PARD3: variants seen among roughly 807,000 people sequenced by gnomAD.
The protein encoded by PARD3 is partitioning defective 3 homolog.
In PARD3, 75 loss-of-function variants were observed where a neutral mutation model predicts 155.4. The ratio of observed to expected loss-of-function variants is 0.48; its 90% CI spans 0.40 to 0.58. The LOEUF (loss-of-function observed/expected upper bound fraction) is 0.58, where lower values mean the gene tolerates loss of function less well. Among genes scored for constraint, PARD3 ranks in the 20% least tolerant of loss-of-function variants. The pLI, the probability that PARD3 is intolerant of heterozygous loss-of-function variation, is 0.00. For synonymous variants in PARD3, 576 were observed against 610.5 expected (o/e 0.94, Z 0.83); for missense variants, 1,642 against 1,721.7 (o/e 0.95, Z 0.82).
intron 1 of PARD3, 44 bp downstream of exon 1, chr10:34,814,832 T>TCCCCCCCCCCCCCCC: frequency 8.3e-7 from 1 of 1,202,350 alleles, no homozygotes; most frequent in Non-Finnish European, 1.2e-6. Context: ...CCCGGCGCCG[T>TCCCCCCCCCCCCCCC]CCCCGCCGCC....
intron 22 of PARD3, among the ~76,000 whole-genome samples, chr10:34,182,140 CT>C (rs1415543083): frequency 6.6e-6 from 1 of 152,176 alleles, no homozygotes; most frequent in Non-Finnish European, 1.5e-5. Flanking sequence ...GCTTGTCTTG[CT>C]GGGAGGAGGA....
intron 21 of PARD3, among the ~76,000 whole-genome samples, chr10:34,274,956 T>C (rs1305344192): frequency 6.6e-6 from 1 of 152,200 alleles, no homozygotes; most frequent in Non-Finnish European, 1.5e-5. Context: ...GATTTGAATA[T>C]TCTTTTGTTC....
chr10:34,309,842 GT>G (rs1957610525), intron 20 of PARD3, among the ~76,000 whole-genome samples: 1 of 131,752 alleles, frequency 7.6e-6, no homozygotes, highest in African/African-American at 2.8e-5. Context: ...GACCAGAATG[GT>G]TTGGCTCTTG....
At chr10:34,351,079 G>C (rs1246365740) in intron 14 of PARD3, among the ~76,000 whole-genome samples, 1 of 152,164 alleles carries the variant, frequency 6.6e-6, no homozygotes, top group African/African-American at 2.4e-5. Context: ...TCCGTTTGTT[G>C]TGAGTATGCA....
At chr10:34,120,265 A>C (rs1448408973) in intron 23 of PARD3, among the ~76,000 whole-genome samples, 1 of 147,538 alleles carries the variant, frequency 6.8e-6, no homozygotes, top group East Asian at 2.0e-4. Context: ...TCAGCCTCCC[A>C]AAGTGCTGAG....
chr10:34,466,429 T>C (rs985098078), intron 4 of PARD3, among the ~76,000 whole-genome samples: 2 of 152,170 alleles, frequency 1.3e-5, no homozygotes, highest in African/African-American at 4.8e-5. Flanking sequence ...CATATCAGAA[T>C]ACAACTTTCC....
chr10:34,754,096 G>A (rs755914543), intron 1 of PARD3, among the ~76,000 whole-genome samples: 2 of 152,024 alleles, frequency 1.3e-5, no homozygotes, highest in Non-Finnish European at 2.9e-5. Context: ...GCTCACTGCA[G>A]CCTCCTGGGT....
intron 4 of PARD3, among the ~76,000 whole-genome samples, chr10:34,465,706 C>T (rs2077968019): frequency 6.6e-6 from 1 of 152,082 alleles, no homozygotes; most frequent in South Asian, 2.1e-4. Flanking sequence ...CTAAGTCTAC[C>T]TATGTTAATT....
At chr10:34,418,748 C>T (rs906500110) in intron 5 of PARD3, among the ~76,000 whole-genome samples, 3 of 152,032 alleles carry the variant, frequency 2.0e-5, no homozygotes, top group Non-Finnish European at 4.4e-5. Flanking sequence ...GTAACTCCAA[C>T]CTTGTCCCCT....
intron 1 of PARD3, among the ~76,000 whole-genome samples, chr10:34,805,544 T>TATATATA (rs1232644568): frequency 8.1e-5 from 8 of 98,994 alleles, no homozygotes; most frequent in Non-Finnish European, 1.3e-4. Context: ...CGTATGTGCA[T>TATATATA]ATATATATAT....
At chr10:34,421,402 T>C (rs1381346967) in intron 5 of PARD3, among the ~76,000 whole-genome samples, 1 of 150,988 alleles carries the variant, frequency 6.6e-6, no homozygotes. Context: ...TAGTTATTAA[T>C]AATTATACTA....
chr10:34,416,369 T>C (rs933169345), intron 5 of PARD3, among the ~76,000 whole-genome samples: 9 of 152,126 alleles, frequency 5.9e-5, no homozygotes, highest in Non-Finnish European at 1.2e-4. Flanking sequence ...TCAGTGACAC[T>C]TCACACCAAC....
chr10:34,681,708 A>G (rs1373130487), intron 2 of PARD3, among the ~76,000 whole-genome samples: 2 of 118,754 alleles, frequency 1.7e-5, no homozygotes, highest in East Asian at 2.5e-4. Context: ...TATATTTTAT[A>G]TATGTATTTT....
intron 5 of PARD3, among the ~76,000 whole-genome samples, chr10:34,410,392 A>T (rs1844929873): frequency 6.6e-6 from 1 of 152,238 alleles, no homozygotes; most frequent in South Asian, 2.1e-4. Context: ...ATCATTAAAG[A>T]AACAATTTTT....
intron 1 of PARD3, among the ~76,000 whole-genome samples, chr10:34,787,914 A>G (rs1279771518): frequency 6.6e-6 from 1 of 151,484 alleles, no homozygotes; most frequent in Non-Finnish European, 1.5e-5. Context: ...CTGAGTAGCT[A>G]GGACTGAAGG....
chr10:34,558,334 C>G (rs1014140689), intron 2 of PARD3, among the ~76,000 whole-genome samples: 2 of 152,176 alleles, frequency 1.3e-5, no homozygotes, highest in Non-Finnish European at 2.9e-5. Flanking sequence ...TTCTGCTTCA[C>G]TGTATTAGTC....
At chr10:34,262,161 T>C (rs1423258730) in intron 22 of PARD3, among the ~76,000 whole-genome samples, 1 of 152,144 alleles carries the variant, frequency 6.6e-6, no homozygotes, top group African/African-American at 2.4e-5. Flanking sequence ...AAAATATCTA[T>C]GAGGGGAGGT....
chr10:34,144,418 C>T (rs1948356442), intron 22 of PARD3, among the ~76,000 whole-genome samples: 1 of 152,094 alleles, frequency 6.6e-6, no homozygotes, highest in African/African-American at 2.4e-5. Flanking sequence ...CATTGTAATT[C>T]CTGGTTTGTG....
chr10:34,686,968 G>C (rs1015303220), intron 2 of PARD3, among the ~76,000 whole-genome samples: 2 of 151,932 alleles, frequency 1.3e-5, no homozygotes, highest in African/African-American at 4.8e-5. Flanking sequence ...AGAATCGCTT[G>C]AACCCAAGAG....
Sources: gnomAD v4.1 joint callset for allele counts (sites outside exome capture counted in the v4.1 genomes callset) on GRCh38, gnomAD v4.1.1 for gene constraint, MANE v1.5 for transcripts, NCBI Gene and HGNC (gene_info 2026-07-23, HGNC 2026-07-21) for gene names.